The following CCDC6 variants were observed in gnomAD, a reference collection of about 807,000 sequenced individuals.
CCDC6 encodes coiled-coil domain-containing protein 6.
A neutral mutation model predicts 56.6 loss-of-function variants in CCDC6; 20 were observed. The ratio of observed to expected loss-of-function variants is 0.35; its 90% CI spans 0.25 to 0.51. The LOEUF (loss-of-function observed/expected upper bound fraction) is 0.51. Among genes scored for constraint, CCDC6 ranks in the 20% least tolerant of loss-of-function variants. The pLI, the probability that CCDC6 is intolerant of heterozygous loss-of-function variation, is 0.95. For missense variants in CCDC6, 367 were observed against 601.1 expected, an observed-to-expected ratio of 0.61 and a Z score of 4.07; for synonymous variants, 241 against 234.4, an observed-to-expected ratio of 1.03 and a Z score of -0.26.
intron 7 of CCDC6, among the ~76,000 whole-genome samples, chr10:59,799,115 G>A (rs1388373024): frequency 6.7e-6 from 1 of 149,652 alleles, no homozygotes; most frequent in Non-Finnish European, 1.5e-5. Flanking sequence ...GTAATTATGA[G>A]TACTGCCTAC....
chr10:59,804,327 A>AAACT (rs2070601849), intron 7 of CCDC6, 93 bp downstream of exon 7: 3 of 766,582 alleles, frequency 3.9e-6, no homozygotes, highest in Non-Finnish European at 7.0e-6. Flanking sequence ...CCCTGTTTCC[A>AAACT]AGATTTTTAT....
intron 7 of CCDC6, among the ~76,000 whole-genome samples, chr10:59,798,743 C>G (rs10821601): frequency 0.49 from 74,286 of 151,914 alleles, 19,116 homozygotes; most frequent in African/African-American, 0.66. Flanking sequence ...GCCTGTAATC[C>G]CACCACTTTG....
chr10:59,796,504 A>C (rs2070520554), intron 7 of CCDC6, among the ~76,000 whole-genome samples: 1 of 152,172 alleles, frequency 6.6e-6, no homozygotes, highest in Non-Finnish European at 1.5e-5. Context: ...AGGAATGTAA[A>C]ATGGTGCATC....
intron 1 of CCDC6, among the ~76,000 whole-genome samples, chr10:59,882,093 CG>C (rs67151745): frequency 8.3e-4 from 29 of 35,056 alleles, no homozygotes; most frequent in African/African-American, 3.0e-3. Context: ...AAAGGAAAGC[CG>C]GGGGGAGAAG....
intron 1 of CCDC6, among the ~76,000 whole-genome samples, chr10:59,893,336 T>A (rs752489449): frequency 7.2e-5 from 11 of 152,112 alleles, no homozygotes; most frequent in Non-Finnish European, 7.4e-5. Context: ...TGGTGGCTTA[T>A]GCCTATAATC....
At chr10:59,901,106 A>G (rs552115771) in intron 1 of CCDC6, among the ~76,000 whole-genome samples, 2 of 152,324 alleles carry the variant, frequency 1.3e-5, no homozygotes, top group East Asian at 3.9e-4. Context: ...AGAGTATATG[A>G]AACACATAGA....
chr10:59,828,851 A>G (rs994997510), intron 3 of CCDC6, among the ~76,000 whole-genome samples: 2 of 152,092 alleles, frequency 1.3e-5, no homozygotes, highest in Non-Finnish European at 1.5e-5. Flanking sequence ...TTTATTTGTG[A>G]TTTTCCCACT....
At chr10:59,879,026 C>CCAA (rs1363243569) in intron 1 of CCDC6, among the ~76,000 whole-genome samples, 2 of 152,164 alleles carry the variant, frequency 1.3e-5, no homozygotes, top group African/African-American at 2.4e-5. Flanking sequence ...ACTGAGAGAT[C>CCAA]CAACAATTAT....
chr10:59,876,419 C>A (rs1359170488), intron 1 of CCDC6, among the ~76,000 whole-genome samples: 1 of 151,896 alleles, frequency 6.6e-6, no homozygotes, highest in African/African-American at 2.4e-5. Flanking sequence ...GATTATTTGC[C>A]GTCACCATTC....
At chr10:59,864,221 T>C (rs1457748474) in intron 1 of CCDC6, among the ~76,000 whole-genome samples, 1 of 152,190 alleles carries the variant, frequency 6.6e-6, no homozygotes, top group African/African-American at 2.4e-5. Context: ...AGGCATAATT[T>C]TCAAAAGCTA....
intron 1 of CCDC6, among the ~76,000 whole-genome samples, chr10:59,884,795 G>A (rs926930297): frequency 2.6e-5 from 4 of 152,202 alleles, no homozygotes; most frequent in Non-Finnish European, 5.9e-5. Context: ...CCGGTGCAGT[G>A]GGTCATGCCT....
At chr10:59,822,016 G>A (rs2070752948) in intron 3 of CCDC6, among the ~76,000 whole-genome samples, 1 of 152,038 alleles carries the variant, frequency 6.6e-6, no homozygotes, top group Non-Finnish European at 1.5e-5. Flanking sequence ...CATTAATATG[G>A]TATTATCTGG....
In CCDC6 at chr10:59,792,744, C is replaced by T. The variant is rs146576751; in HGVS notation, c.*173G>A. 2.9e-4 allele frequency: 237 copies of T among 806,002 alleles called. No homozygotes were observed. The African/African-American group carries it at 3.6e-3, about 12-fold the overall frequency. 49.9% of individuals were successfully genotyped at this position (806,002 alleles called of 1,614,324 possible). On this transcript the variant is annotated 3_prime_UTR_variant, in exon 9 of 9. Transcript: ENST00000263102. ...AGTCGTCTGGTTAGTGTTGTAGACC[C>T]ACAACACTGGCTGCATTTCTGACAA...
intron 1 of CCDC6, among the ~76,000 whole-genome samples, chr10:59,864,475 T>C (rs2071159945): frequency 6.6e-6 from 1 of 152,130 alleles, no homozygotes; most frequent in South Asian, 2.1e-4. Context: ...TCCAAATTAT[T>C]AATATACTAA....
rs150798991 is a variant in CCDC6, at chr10:59,832,499, G to A, written c.582+26C>T. 164 of 1,596,554 alleles carry A rather than the reference G, an allele frequency of 1.0e-4. 2 individuals are homozygous for A. In the Middle Eastern group the frequency reaches 1.9e-3, roughly 19 times the overall value. On this transcript the variant is annotated intron_variant, in intron 3 of 8. Coordinates refer to ENST00000263102, the MANE Select transcript of CCDC6 (RefSeq NM_005436.5). ...CAAGCTGAGAACGAGAAAATACAAT[G>A]TAAAGGAAGAGCTACAGGTGCTTAC...
intron 1 of CCDC6, among the ~76,000 whole-genome samples, chr10:59,890,265 C>G (rs2071412119): frequency 6.6e-6 from 1 of 152,142 alleles, no homozygotes; most frequent in Non-Finnish European, 1.5e-5. Flanking sequence ...TCAACGATGG[C>G]TTTCAGAGAG....
intron 1 of CCDC6, among the ~76,000 whole-genome samples, chr10:59,854,525 C>T (rs1709343): frequency 0.21 from 32,498 of 152,124 alleles, 4,680 homozygotes; most frequent in African/African-American, 0.41. Context: ...GCTAATAAAT[C>T]TGTATTACCA....
chr10:59,905,232 T>C (rs575500486), intron 1 of CCDC6, among the ~76,000 whole-genome samples: 6 of 152,218 alleles, frequency 3.9e-5, no homozygotes, highest in Non-Finnish European at 8.8e-5. Context: ...TCTAAACGCC[T>C]GCCACACCAG....
rs751829876 is a variant in CCDC6, at chr10:59,906,410, G to T, written c.15C>A (p.Ala5=). MADS[A]SESDTDGAGG... ...CCGCCCCGTCCGTGTCGCTCTCGCT[G>T]GCGCTGTCCGCCATGGCCGCGGCGG... The change falls in exon 1 of 9, where the codon GCC becomes GCA. Residue 5 remains alanine (A), a synonymous_variant. Transcript: ENST00000263102. 2 of 1,550,144 alleles carry T rather than the reference G, an allele frequency of 1.3e-6. No homozygotes were observed. Among genetic ancestry groups the T allele is most frequent in the Non-Finnish European group, 1.7e-6 (2 of 1,161,050 alleles).
Sources: allele counts gnomAD v4.1 joint callset (sites outside exome capture counted in the v4.1 genomes callset), GRCh38; gene constraint gnomAD v4.1.1; transcripts MANE v1.5; gene names NCBI Gene and HGNC (gene_info 2026-07-23, HGNC 2026-07-21).